Variants in WDR27 observed in about 807,000 individuals in gnomAD.
WDR27 encodes WD repeat-containing protein 27.
WDR27 carries 100 observed loss-of-function variants against 114.4 expected under a neutral mutation model. That is an observed-to-expected ratio of 0.87 (90% CI 0.74 to 1.03). The LOEUF is 1.03. Among genes scored for constraint, WDR27 ranks in the 50% least tolerant of loss-of-function variants. The pLI, the probability that WDR27 is intolerant of heterozygous loss-of-function variation, is 0.00. For synonymous variants in WDR27, 449 were observed against 423.1 expected (o/e 1.06, Z -0.75); for missense variants, 1,129 against 1,092.9 (o/e 1.03, Z -0.47).
At chr6:169,585,493 C>T (rs1437988744) in intron 23 of WDR27, among the ~76,000 whole-genome samples, 1 of 152,132 alleles carries the variant, frequency 6.6e-6, no homozygotes, top group Non-Finnish European at 1.5e-5. Context: ...GGTGCTGGCC[C>T]TCCAAGCAGT....
intron 25 of WDR27, among the ~76,000 whole-genome samples, chr6:169,463,464 TTCC>T (rs1785164379): frequency 6.6e-6 from 1 of 152,218 alleles, no homozygotes; most frequent in South Asian, 2.1e-4. Flanking sequence ...CTAAAAGCTT[TTCC>T]TTTAAGATCA....
chr6:169,670,927 C>G, intron 3 of WDR27: 1 of 482,962 alleles, frequency 2.1e-6, no homozygotes, highest in East Asian at 3.7e-5. Context: ...CATCGAAACA[C>G]GAAGATGCCT....
chr6:169,511,572 A>G lies in WDR27; in HGVS notation c.2646-53938T>C, dbSNP rs998372419. Among the ~76,000 whole-genome samples the G allele has an allele frequency of 3.3e-5, 5 of 152,118 alleles. No homozygotes were observed. The East Asian group carries it at 7.7e-4, about 23-fold the overall frequency. On this transcript the variant is annotated intron_variant, in intron 25 of 25. Coordinates refer to ENST00000448612, the MANE Select transcript of WDR27 (RefSeq NM_182552.5). ...CTCAGTTTTTATTAGTATATTTTCA[A>G]TGTTGCCTATGAAAAGACTGCATAA...
At chr6:169,546,751 ACTTT>A (rs1797500813) in intron 25 of WDR27, among the ~76,000 whole-genome samples, 1 of 152,196 alleles carries the variant, frequency 6.6e-6, no homozygotes, top group South Asian at 2.1e-4. Context: ...TTATGAAAGA[ACTTT>A]CTATGTAAAA....
Position 169,613,635 on chromosome 6 carries a change from G to A in WDR27, c.2245C>T (p.Gln749Ter), listed in dbSNP as rs756930433. 1.2e-6 allele frequency: 2 copies of A among 1,613,584 alleles called. No individual in the cohort carries two copies. The highest frequency in any genetic ancestry group is 1.1e-5 in the South Asian group (1 of 91,048). ...QNKGSSFTTQ[Q>*]PQAYNLFLTT... ...AGGAAAAGGTTATAAGCCTGAGGCT[G>A]TTGGGTTGTAAATGATGAACCCTAT... Residue 749 changes from glutamine to a stop codon, truncating the protein, a stop_gained, in exon 22 of 26, where the codon CAG becomes TAG. Transcript: ENST00000448612. LOFTEE classifies it high-confidence loss of function.
intron 20 of WDR27, 136 bp downstream of exon 20, chr6:169,634,292 A>G: frequency 1.7e-6 from 1 of 597,702 alleles, no homozygotes; most frequent in Non-Finnish European, 3.0e-6. Context: ...AAGGATGGCG[A>G]GCTCCATGAG....
intron 25 of WDR27, among the ~76,000 whole-genome samples, chr6:169,533,487 T>C (rs1795850972): frequency 6.6e-6 from 1 of 152,184 alleles, no homozygotes; most frequent in Admixed American, 6.5e-5. Context: ...CAATGCCTAG[T>C]TGGAATCTCA....
At chr6:169,494,157 G>T (rs921609420) in intron 25 of WDR27, among the ~76,000 whole-genome samples, 6 of 152,288 alleles carry the variant, frequency 3.9e-5, no homozygotes, top group Admixed American at 6.5e-5. Flanking sequence ...CACCATTGTG[G>T]ATACGGCTAT....
intron 25 of WDR27, among the ~76,000 whole-genome samples, chr6:169,482,430 T>C (rs1371407848): frequency 6.6e-6 from 1 of 152,214 alleles, no homozygotes; most frequent in East Asian, 1.9e-4. Flanking sequence ...ACAACATCTG[T>C]ATTTTTTGAC....
intron 21 of WDR27, among the ~76,000 whole-genome samples, chr6:169,627,281 T>C (rs1329712854): frequency 6.6e-6 from 1 of 152,208 alleles, no homozygotes; most frequent in African/African-American, 2.4e-5. Context: ...TAAAAACAAA[T>C]CTTAATTATG....
chr6:169,672,205 A>T (rs752280735), intron 3 of WDR27, 50 bp downstream of exon 3: 1 of 1,588,434 alleles, frequency 6.3e-7, no homozygotes, highest in Non-Finnish European at 8.6e-7. Flanking sequence ...CTGAAGGATG[A>T]GTTATTCCTT....
the WDR27 span, among the ~76,000 whole-genome samples, chr6:169,437,257 T>G: frequency 6.7e-6 from 1 of 150,310 alleles, no homozygotes. Context: ...GGAAGGAAAT[T>G]GTTTGTTTTT....
intron 6 of WDR27, chr6:169,666,716 G>A (rs111987129): frequency 2.5e-4 from 250 of 988,992 alleles, no homozygotes; most frequent in Non-Finnish European, 2.9e-4. Context: ...AGCTGCACAC[G>A]TGCTCAGGAC....
At chr6:169,642,660 C>T (rs1584831474) in intron 17 of WDR27, among the ~76,000 whole-genome samples, 1 of 152,150 alleles carries the variant, frequency 6.6e-6, no homozygotes, top group African/African-American at 2.4e-5. Flanking sequence ...TCTGCCTGCC[C>T]TTGGGGGCCT....
intron 1 of WDR27, among the ~76,000 whole-genome samples, chr6:169,690,583 C>T (rs140467733): frequency 2.7e-3 from 414 of 152,288 alleles, no homozygotes; most frequent in Middle Eastern, 6.8e-3. Context: ...GCACTTCACA[C>T]AATCTAAACT....
At chr6:169,479,270 C>A (rs368426141) in intron 25 of WDR27, among the ~76,000 whole-genome samples, 8 of 152,102 alleles carry the variant, frequency 5.3e-5, no homozygotes, top group Middle Eastern at 3.4e-3. Context: ...AAGTGGCCAA[C>A]AAACAAATGA....
chr6:169,664,413 C>T, intron 7 of WDR27, 127 bp from the exon 8 acceptor site: 1 of 1,552,016 alleles, frequency 6.4e-7, no homozygotes, highest in Non-Finnish European at 8.6e-7. Flanking sequence ...CCTGCAGAGG[C>T]TCCCGGCACA....
chr6:169,700,021 G>T (rs1369973128), intron 1 of WDR27, among the ~76,000 whole-genome samples: 1 of 152,162 alleles, frequency 6.6e-6, no homozygotes, highest in African/African-American at 2.4e-5. Context: ...ATTCCTCCCA[G>T]ATAGCAGAAT....
rs112103773 is a variant in WDR27 at position 169,516,488 on chromosome 6, C to T, written c.2645+55931G>A. Among the ~76,000 whole-genome samples the T allele has an allele frequency of 3.7e-3, 559 of 151,996 alleles. 3 individuals carry two copies. The highest frequency in any genetic ancestry group is 0.012 in the African/African-American group (516 of 41,352). The stretch of plus-strand genomic sequence containing the variant: ...TCCTCCAGGGGGGCTAATTCTGCTG[C>T]GGTGGGGAATGGGCGGTGGGGACAT... On this transcript the variant is annotated intron_variant, in intron 25 of 25. Coordinates refer to ENST00000448612, the MANE Select transcript of WDR27 (RefSeq NM_182552.5).
Sources: gnomAD v4.1 joint callset for allele counts (sites outside exome capture counted in the v4.1 genomes callset) on GRCh38, gnomAD v4.1.1 for gene constraint, MANE v1.5 for transcripts, NCBI Gene and HGNC (gene_info 2026-07-23, HGNC 2026-07-21) for gene names.